The following AEBP1 variants were observed in gnomAD, a reference collection of about 807,000 sequenced individuals.
AEBP1 encodes the protein AE binding protein 1.
AEBP1 carries 69 observed loss-of-function variants against 116.5 expected under a neutral mutation model. The observed-to-expected ratio is 0.59, with a 90% confidence interval of 0.49 to 0.72. The LOEUF is 0.72. Ranked by LOEUF, AEBP1 falls within the 30% of genes least tolerant of loss-of-function variation. AEBP1 has a pLI of 0.00. For synonymous variants in AEBP1, 627 were observed against 627.3 expected, an observed-to-expected ratio of 1.00 and a Z score of 0.01; for missense variants, 1,444 against 1,557.5, an observed-to-expected ratio of 0.93 and a Z score of 1.23.
Position 44,108,807 on chromosome 7 carries a change from C to A in AEBP1, c.941-92C>A. 2 of 1,179,610 alleles carry A rather than the reference C, an allele frequency of 1.7e-6. No homozygotes were observed. The highest frequency in any genetic ancestry group is 1.4e-5 in the South Asian group (1 of 73,870). 73.1% of individuals were successfully genotyped at this position (1,179,610 alleles called of 1,614,324 possible). ...CATCTCCCGTCCTCCTCCCCTCTGG[C>A]GCGGTCCTGTCCTGCTGAGCTCCTG... On this transcript the variant is annotated intron_variant, in intron 6 of 20. Coordinates refer to ENST00000223357, the MANE Select transcript of AEBP1 (RefSeq NM_001129.5). The surrounding 1 kb of genome is among the most constrained non-coding windows in gnomAD (Gnocchi z 5.0).
At chr7:44,110,604 TG>T in intron 11 of AEBP1, 120 bp from the exon 12 acceptor site, 2 of 1,054,754 alleles carry the variant, frequency 1.9e-6, no homozygotes. Flanking sequence ...GCTCAACACC[TG>T]GGCCGTGCAG....
rs146820958 is a variant in AEBP1 at position 44,112,905 on chromosome 7, C to A, written c.2565C>A (p.Thr855=). ...IVNGAKWNPR[T]GTINDFSYLH... ...ACGGGGCCAAGTGGAACCCCCGGAC[C>A]GGGAGTGAGTCAGCCTGGGAGGGGC... The change falls in exon 18 of 21, where the codon ACC becomes ACA. Residue 855 remains threonine (T), a synonymous_variant. Transcript: ENST00000223357. This position sits in a 1 kb window ranked among gnomAD's most constrained non-coding sequence, Gnocchi z 6.6. 11 of 1,610,082 alleles carry A rather than the reference C, an allele frequency of 6.8e-6. No individual in the cohort carries two copies. Among genetic ancestry groups the A allele is most frequent in the Non-Finnish European group, 9.3e-6 (11 of 1,177,854 alleles).
Position 44,104,502 on chromosome 7 carries a change from T to A in AEBP1, c.-164T>A. On this transcript the variant is annotated 5_prime_UTR_variant, in exon 1 of 21. Transcript: ENST00000223357. ...TCCCGGGTCCCCTCGCCCACCCTAA[T>A]CCACTCTCCCTCCCTTTCCCGGATT... The A allele has an allele frequency of 2.1e-6, 1 of 480,442 alleles. No individual in the cohort carries two copies. Among genetic ancestry groups the A allele is most frequent in the Non-Finnish European group, 3.5e-6 (1 of 284,026 alleles). 29.8% of individuals were successfully genotyped at this position (480,442 alleles called of 1,614,324 possible). A position where few individuals can be genotyped will look rare whatever the true frequency, so the allele number is the denominator to read the frequency against.
In AEBP1 at chr7:44,106,853, C is replaced by A. The variant is rs764510973; in HGVS notation, c.561C>A (p.Pro187=). 3 of 1,598,228 alleles carry A rather than the reference C, an allele frequency of 1.9e-6. No individual in the cohort carries two copies. The highest frequency in any genetic ancestry group is 2.3e-5 in the East Asian group (1 of 44,390). Residue 187 remains proline, a synonymous_variant, in exon 2 of 21, where the codon CCC becomes CCA. Coordinates refer to ENST00000223357, the MANE Select transcript of AEBP1 (RefSeq NM_001129.5). The part of the protein sequence containing the change: ...ETLEWPLPPP[P]SPGPEELPQE... ...TGGAGTGGCCACTGCCCCCACCCCC[C>A]AGCCCTGGCCCCGAGGAGCTACCCC... is the stretch of plus-strand genomic sequence containing the variant.
rs1157086889 is a variant in AEBP1, at chr7:44,108,111, AG to A, written c.940+30del. 11 of 1,578,760 alleles carry A rather than the reference AG, an allele frequency of 7.0e-6. No homozygotes were observed. Among genetic ancestry groups the A allele is most frequent in the Non-Finnish European group, 9.5e-6 (11 of 1,163,498 alleles). The stretch of plus-strand genomic sequence containing the variant: ...TGAGTACCCAGCACCCCAGAGTCTG[AG>A]GGACATAGGCAGGTGGGGGTCGGGG... On this transcript the variant is annotated intron_variant, in intron 6 of 20. Transcript: ENST00000223357. The surrounding 1 kb of genome is among the most constrained non-coding windows in gnomAD (Gnocchi z 5.0).
Position 44,113,488 on chromosome 7 carries a change from G to A in AEBP1, c.2810-106G>A. 2.2e-6 allele frequency: 3 copies of A among 1,367,166 alleles called. No homozygotes were observed. The highest frequency in any genetic ancestry group is 2.9e-6 in the Non-Finnish European group (3 of 1,030,264). The allele number at this position is 1,367,166 out of a possible 1,614,324, so 84.7% of individuals were successfully genotyped here. ...ATTCAGAGAGGGAGGGCGGTGCTGG[G>A]GGCGGGAACTCAGAGGGGGAGGGCG... On this transcript the variant is annotated intron_variant, in intron 20 of 20. Coordinates refer to ENST00000223357, the MANE Select transcript of AEBP1 (RefSeq NM_001129.5). The surrounding 1 kb of genome is among the most constrained non-coding windows in gnomAD (Gnocchi z 5.3).
At position 44,114,077 on chromosome 7, in the gene AEBP1, A is replaced by C; in HGVS notation, c.3293A>C (p.Glu1098Ala). 6.2e-7 allele frequency: 1 copy of C among 1,613,402 alleles called. No homozygotes were observed. Among genetic ancestry groups the C allele is most frequent in the Non-Finnish European group, 8.5e-7 (1 of 1,179,608 alleles). ...GTGACAGAGTTTGGGACCGAGGTGGAGCCCGAGTTTGGGACCAAGGTGGAG... is the reference window on the plus strand; with the variant it reads ...GTGACAGAGTTTGGGACCGAGGTGGCGCCCGAGTTTGGGACCAAGGTGGAG... ...EVVTEFGTEV[E>A]PEFGTKVEPE... Residue 1098 changes from glutamate to alanine, a missense_variant, in exon 21 of 21, where the codon GAG (glutamate) becomes GCG (alanine). Coordinates refer to ENST00000223357, the MANE Select transcript of AEBP1 (RefSeq NM_001129.5).
At position 44,113,547 on chromosome 7, in the gene AEBP1, G is replaced by A. The variant is rs1346083119; in HGVS notation, c.2810-47G>A. On this transcript the variant is annotated intron_variant, in intron 20 of 20. Coordinates refer to ENST00000223357, the MANE Select transcript of AEBP1 (RefSeq NM_001129.5). This position sits in a 1 kb window ranked among gnomAD's most constrained non-coding sequence, Gnocchi z 5.3. Reference sequence around the variant, plus strand: ...GGCAGGACTGAGTGGGAGGGTGGGGGCCTGGGAGGGGCGCTCTGGGGCAGC... The same window carrying A: ...GGCAGGACTGAGTGGGAGGGTGGGGACCTGGGAGGGGCGCTCTGGGGCAGC... The A allele has an allele frequency of 1.5e-6, 2 of 1,368,314 alleles. No homozygotes were observed. Among genetic ancestry groups the A allele is most frequent in the Non-Finnish European group, 9.7e-7 (1 of 1,033,200 alleles). The allele number at this position is 1,368,314 out of a possible 1,614,324, so 84.8% of individuals were successfully genotyped here. A position where few individuals can be genotyped will look rare whatever the true frequency, so the allele number is the denominator to read the frequency against.
In AEBP1 at chr7:44,113,592, A is replaced by T; in HGVS notation, c.2810-2A>T. ...GGCAGCCGGATCGTTCTCCCTCCGC[A>T]GCCAGTGGTGGTGATTACTGGCGAA... is the stretch of plus-strand genomic sequence containing the variant. On this transcript the variant is annotated splice_acceptor_variant, in intron 20 of 20. Coordinates refer to ENST00000223357, the MANE Select transcript of AEBP1 (RefSeq NM_001129.5). LOFTEE classifies it high-confidence loss of function. The surrounding 1 kb of genome is among the most constrained non-coding windows in gnomAD (Gnocchi z 5.3). The T allele has an allele frequency of 6.2e-7, 1 of 1,608,084 alleles. No individual in the cohort carries two copies. Among genetic ancestry groups the T allele is most frequent in the Non-Finnish European group, 8.5e-7 (1 of 1,178,196 alleles).
rs113528346 is a variant in AEBP1 at position 44,107,807 on chromosome 7, A to C, written c.740-2A>C. Reference sequence around the variant, plus strand: ...CCCACTCTGAGCCAGCCTCCCCCTCAGTTGAGTACATTCGGCGCCAGAAGC... The same window carrying C: ...CCCACTCTGAGCCAGCCTCCCCCTCCGTTGAGTACATTCGGCGCCAGAAGC... On this transcript the variant is annotated splice_acceptor_variant, in intron 4 of 20. Coordinates refer to ENST00000223357, the MANE Select transcript of AEBP1 (RefSeq NM_001129.5). LOFTEE classifies it high-confidence loss of function. This position sits in a 1 kb window ranked among gnomAD's most constrained non-coding sequence, Gnocchi z 4.3. 6.2e-7 allele frequency: 1 copy of C among 1,611,926 alleles called. No homozygotes were observed. Among genetic ancestry groups the C allele is most frequent in the East Asian group, 2.2e-5 (1 of 44,768 alleles).
chr7:44,109,579 G>A, intron 9 of AEBP1: 5 of 592,114 alleles, frequency 8.4e-6, no homozygotes, highest in Non-Finnish European at 1.5e-5. Flanking sequence ...GCCCCTAGTG[G>A]CTGGGCGTGG....
chr7:44,109,228 TC>T, intron 8 of AEBP1, 44 bp downstream of exon 8: 1 of 1,612,510 alleles, frequency 6.2e-7, no homozygotes, highest in South Asian at 1.1e-5. Context: ...TGGGGCAGCA[TC>T]TGGACTCCTG....
Position 44,106,747 on chromosome 7 carries a change from A to C in AEBP1, c.455A>C (p.Lys152Thr). ...GAGAAGCCACCCAAGGCCACCAAGAAGCCCAAAGAGAAGCCACCCAAGGCC... is the reference window on the plus strand; with the variant it reads ...GAGAAGCCACCCAAGGCCACCAAGACGCCCAAAGAGAAGCCACCCAAGGCC... ...PKEKPPKATK[K>T]PKEKPPKATK... Residue 152 changes from lysine (K) to threonine (T), a missense_variant, in exon 2 of 21, where the codon AAG (lysine) becomes ACG (threonine). By Grantham distance (78) the Lys-to-Thr change is moderately conservative. Transcript: ENST00000223357. 1 of 1,612,438 alleles carries C rather than the reference A, an allele frequency of 6.2e-7. No individual in the cohort carries two copies. The highest frequency in any genetic ancestry group is 1.3e-5 in the African/African-American group (1 of 74,626).
intron 1 of AEBP1, among the ~76,000 whole-genome samples, chr7:44,105,231 G>A (rs2096221746): frequency 1.3e-5 from 2 of 152,186 alleles, no homozygotes; most frequent in Non-Finnish European, 1.5e-5. Flanking sequence ...AGCCACAGGG[G>A]ACTGTGCTGT....
At position 44,113,626 on chromosome 7, in the gene AEBP1, C is replaced by T; in HGVS notation, c.2842C>T (p.Pro948Ser). Residue 948 changes from proline to serine, a missense_variant, in exon 21 of 21, where the codon CCG (proline) becomes TCG (serine). Pro to Ser is a moderately conservative substitution (Grantham distance 74, BLOSUM62 -1). Coordinates refer to ENST00000223357, the MANE Select transcript of AEBP1 (RefSeq NM_001129.5). The surrounding 1 kb of genome is among the most constrained non-coding windows in gnomAD (Gnocchi z 5.3). ...SGGDYWRILN[P>S]GEYRVTAHAE... ...TGGTGATTACTGGCGAATCTTGAAC[C>T]CGGGTGAGTACCGCGTGACAGCCCA... The T allele has an allele frequency of 1.2e-6, 2 of 1,613,104 alleles. No individual in the cohort carries two copies. Among genetic ancestry groups the T allele is most frequent in the Non-Finnish European group, 8.5e-7 (1 of 1,179,884 alleles).
intron 9 of AEBP1, chr7:44,109,596 G>T: frequency 6.8e-6 from 4 of 589,808 alleles, no homozygotes; most frequent in Non-Finnish European, 9.0e-6. Context: ...GTGGTAGGGG[G>T]AGGACCTGGG....
In AEBP1 at chr7:44,114,000, G is replaced by A. The variant is rs780563349; in HGVS notation, c.3216G>A (p.Pro1072=). The change falls in exon 21 of 21, where the codon CCG becomes CCA. Residue 1072 remains proline, a synonymous_variant. Transcript: ENST00000223357. This position sits in a 1 kb window ranked among gnomAD's most constrained non-coding sequence, Gnocchi z 5.3. ...STTIEPWGLI[P]PTTAGWEESE... ...CCATAGAGCCCTGGGGCCTCATACC[G>A]CCAACCACCGCTGGCTGGGAGGAGT... The A allele has an allele frequency of 3.1e-6, 5 of 1,613,852 alleles. No homozygotes were observed. The highest frequency in any genetic ancestry group is 3.4e-6 in the Non-Finnish European group (4 of 1,179,936).
Position 44,110,311 on chromosome 7 carries a change from A to G in AEBP1, c.1365A>G (p.Thr455=), listed in dbSNP as rs1483372124. The G allele has an allele frequency of 1.2e-6, 2 of 1,613,712 alleles. No individual in the cohort carries two copies. Among genetic ancestry groups the G allele is most frequent in the Non-Finnish European group, 1.7e-6 (2 of 1,180,014 alleles). ...EVDTRRTTRF[T]GVITQGRDSS... is the part of the protein sequence containing the mutation. ...ACACCAGGAGGACTACCCGGTTCAC[A>G]GGCGTCATCACCCAGGGCAGAGACT... The change falls in exon 11 of 21, where the codon ACA becomes ACG. Residue 455 remains threonine, a synonymous_variant. Coordinates refer to ENST00000223357, the MANE Select transcript of AEBP1 (RefSeq NM_001129.5).
Position 44,110,620 on chromosome 7 carries a change from A to G in AEBP1, c.1401-105A>G, listed in dbSNP as rs531150399. ...CTCAACACCTGGGCCGTGCAGCACC[A>G]CCCTGCTAGCTCTTAAATTCTTGGG... On this transcript the variant is annotated intron_variant, in intron 11 of 20. Coordinates refer to ENST00000223357, the MANE Select transcript of AEBP1 (RefSeq NM_001129.5). 1.5e-4 allele frequency: 175 copies of G among 1,144,248 alleles called. No individual in the cohort carries two copies. In the African/African-American group the frequency reaches 2.2e-3, roughly 14 times the overall value. The allele number at this position is 1,144,248 out of a possible 1,614,324, so 70.9% of individuals were successfully genotyped here.
Sources: gnomAD v4.1 joint callset for allele counts (sites outside exome capture counted in the v4.1 genomes callset) on GRCh38, gnomAD v4.1.1 for gene constraint, Gnocchi (gnomAD v3.1) non-coding constraint, MANE v1.5 for transcripts, NCBI Gene and HGNC (gene_info 2026-07-23, HGNC 2026-07-21) for gene names.